GBF1: variants seen among roughly 807,000 people sequenced by gnomAD.
GBF1 encodes golgi brefeldin A resistant guanine nucleotide exchange factor 1.
A neutral mutation model predicts 210.5 loss-of-function variants in GBF1; 114 were observed. The ratio of observed to expected loss-of-function variants is 0.54; its 90% CI spans 0.47 to 0.63. GBF1 has a LOEUF of 0.63. GBF1 is among the 30% of genes least tolerant of loss of function. The pLI, the probability that GBF1 is intolerant of heterozygous loss-of-function variation, is 0.00. For missense variants in GBF1, 1,851 were observed against 2,357.7 expected (o/e 0.79, Z 4.45); for synonymous variants, 850 against 889.2 (o/e 0.96, Z 0.78).
At position 102,361,795 on chromosome 10, in the gene GBF1, G is replaced by A. The variant is rs750379900; in HGVS notation, c.1569G>A (p.Leu523=). 2.5e-6 allele frequency: 4 copies of A among 1,612,766 alleles called. No individual in the cohort carries two copies. Among genetic ancestry groups the A allele is most frequent in the Admixed American group, 1.7e-5 (1 of 60,012 alleles). Residue 523 remains leucine, a synonymous_variant, in exon 14 of 40, where the codon CTG becomes CTA. Transcript: ENST00000369983. ...KMPYEMKEMA[L]EAIVQLWRIP... is the part of the protein sequence containing the mutation. ...CTTATGAGATGAAGGAGATGGCACT[G>A]GAGGCCATTGTGCAGCTCTGGCGCA...
At chr10:102,360,938 G>T (rs2059564015) in intron 12 of GBF1, 84 bp from the exon 13 acceptor site, 1 of 743,180 alleles carries the variant, frequency 1.3e-6, no homozygotes, top group African/African-American at 1.8e-5. Flanking sequence ...TTGCGCCACT[G>T]CACTCCAGCG....
At chr10:102,369,497 G>T in intron 24 of GBF1, 110 bp downstream of exon 24, 1 of 929,400 alleles carries the variant, frequency 1.1e-6, no homozygotes, top group Non-Finnish European at 1.7e-6. Flanking sequence ...CCTGATGCCT[G>T]CCACAGCTCA....
chr10:102,237,012 T>A, the GBF1 span, among the ~76,000 whole-genome samples: 3 of 152,196 alleles, frequency 2.0e-5, no homozygotes, highest in African/African-American at 7.2e-5. Flanking sequence ...CAGCAAAGAT[T>A]TGAAGCACTC....
At chr10:102,308,809 G>A (rs2078157071) in intron 3 of GBF1, among the ~76,000 whole-genome samples, 1 of 151,460 alleles carries the variant, frequency 6.6e-6, no homozygotes, top group African/African-American at 2.4e-5. Flanking sequence ...ACACCAGCAT[G>A]GCACATGTAT....
the GBF1 span, among the ~76,000 whole-genome samples, chr10:102,235,766 G>A: frequency 2.0e-5 from 3 of 152,176 alleles, no homozygotes; most frequent in Non-Finnish European, 2.9e-5. Flanking sequence ...CCCAGACTCT[G>A]TATCCTCCAG....
upstream of GBF1, among the ~76,000 whole-genome samples, chr10:102,242,362 G>C (rs1347281502): frequency 6.6e-6 from 1 of 152,204 alleles, no homozygotes; most frequent in African/African-American, 2.4e-5. Context: ...CACTCCAAAG[G>C]CATTGCCTTT....
At chr10:102,342,418 GAC>G (rs773345912) in intron 3 of GBF1, among the ~76,000 whole-genome samples, 10 of 150,940 alleles carry the variant, frequency 6.6e-5, no homozygotes, top group South Asian at 6.3e-4. Context: ...CTCACACACA[GAC>G]ACACACACAC....
intron 3 of GBF1, among the ~76,000 whole-genome samples, chr10:102,285,110 T>C (rs1366392623): frequency 6.6e-6 from 1 of 152,200 alleles, no homozygotes; most frequent in African/African-American, 2.4e-5. Flanking sequence ...GATTACTTTC[T>C]TCCAAAATTT....
chr10:102,365,288 T>G, intron 17 of GBF1, 109 bp from the exon 18 acceptor site: 1 of 746,948 alleles, frequency 1.3e-6, no homozygotes, highest in Non-Finnish European at 2.3e-6. Context: ...AACCACATCC[T>G]AGGAGCTTTT....
intron 4 of GBF1, among the ~76,000 whole-genome samples, 170 bp from the exon 5 acceptor site, chr10:102,351,086 C>CAA (rs531631806): frequency 7.5e-4 from 61 of 81,332 alleles, no homozygotes; most frequent in African/African-American, 2.2e-3. Flanking sequence ...GACTCTGTCT[C>CAA]AAAAAAAAAA....
rs2060905815 is a variant in GBF1 at position 102,382,285 on chromosome 10, C to T, written c.5532C>T (p.Leu1844=). 1.2e-6 allele frequency: 2 copies of T among 1,614,000 alleles called. No individual in the cohort carries two copies. Among genetic ancestry groups the T allele is most frequent in the South Asian group, 1.1e-5 (1 of 91,076 alleles). ...ALIEATSPVP[L]LATPRPTDPI... is the part of the protein sequence containing the mutation. ...TCGAGGCCACCTCACCAGTGCCCCTCCTGGCCACACCCCGCCCCACAGATC... is the reference window on the plus strand; with the variant it reads ...TCGAGGCCACCTCACCAGTGCCCCTTCTGGCCACACCCCGCCCCACAGATC... Residue 1844 remains leucine (L), a synonymous_variant, in exon 40 of 40, where the codon CTC becomes CTT. Coordinates refer to ENST00000369983, the MANE Select transcript of GBF1 (RefSeq NM_001377137.1).
At position 102,380,263 on chromosome 10, in the gene GBF1, C is replaced by T; in HGVS notation, c.4893C>T (p.His1631=). 1 of 1,613,194 alleles carries T rather than the reference C, an allele frequency of 6.2e-7. No individual in the cohort carries two copies. Among genetic ancestry groups the T allele is most frequent in the Non-Finnish European group, 8.5e-7 (1 of 1,179,178 alleles). Residue 1631 remains histidine (H), a synonymous_variant, in exon 37 of 40, where the codon CAC becomes CAT. Transcript: ENST00000369983. ...GTGGGCCATAGGTCTTCCTGCAGCACCTGTCTCCACTGCTGTCACTCTCTA... is the reference window on the plus strand; with the variant it reads ...GTGGGCCATAGGTCTTCCTGCAGCATCTGTCTCCACTGCTGTCACTCTCTA... ...STLLSKVFLQ[H]LSPLLSLSTF...
chr10:102,331,134 A>ATG (rs1589663154), intron 3 of GBF1, among the ~76,000 whole-genome samples: 2 of 152,064 alleles, frequency 1.3e-5, no homozygotes, highest in East Asian at 1.9e-4. Context: ...TCCTCTCTCT[A>ATG]AGGAGAGGTT....
rs544050001 is a variant in GBF1 at position 102,369,778 on chromosome 10, A to G, written c.3215+3A>G. The G allele has an allele frequency of 6.2e-7, 1 of 1,614,164 alleles. No individual in the cohort carries two copies. Among genetic ancestry groups the G allele is most frequent in the Non-Finnish European group, 8.5e-7 (1 of 1,179,982 alleles). Reference sequence around the variant, plus strand: ...CGGGAAGAGACACCATCAAACCGGTAAGAGCAGACCAGAGGCTCAGGGGCT... The same window carrying G: ...CGGGAAGAGACACCATCAAACCGGTGAGAGCAGACCAGAGGCTCAGGGGCT... On this transcript the variant is annotated splice_donor_region_variant and intron_variant, in intron 25 of 39. Coordinates refer to ENST00000369983, the MANE Select transcript of GBF1 (RefSeq NM_001377137.1).
intron 17 of GBF1, among the ~76,000 whole-genome samples, chr10:102,364,471 A>G (rs1250543775): frequency 6.8e-6 from 1 of 147,936 alleles, no homozygotes; most frequent in East Asian, 2.1e-4. Flanking sequence ...TGATCTGCCC[A>G]CCTTGGCCTC....
the GBF1 span, among the ~76,000 whole-genome samples, chr10:102,235,179 A>ACC: frequency 3.1e-5 from 3 of 97,374 alleles, no homozygotes; most frequent in African/African-American, 1.3e-4. Flanking sequence ...CCCACCCCCC[A>ACC]CCCCCCCACC....
intron 20 of GBF1, 89 bp from the exon 21 acceptor site, chr10:102,367,389 C>T: frequency 8.7e-7 from 1 of 1,153,126 alleles, no homozygotes; most frequent in South Asian, 1.2e-5. Context: ...TTACCTTTTC[C>T]TAAGTCCTAT....
At chr10:102,275,157 A>G (rs1025958272) in intron 3 of GBF1, among the ~76,000 whole-genome samples, 2 of 152,042 alleles carry the variant, frequency 1.3e-5, no homozygotes, top group African/African-American at 4.8e-5. Flanking sequence ...GCCCAGCCAA[A>G]AACAGATTTT....
intron 3 of GBF1, among the ~76,000 whole-genome samples, chr10:102,267,315 G>A (rs1291652577): frequency 2.0e-5 from 3 of 152,170 alleles, no homozygotes; most frequent in Non-Finnish European, 4.4e-5. Flanking sequence ...GACCAGCCTG[G>A]CCAACATGGT....
Sources: gnomAD v4.1 joint callset for allele counts (sites outside exome capture counted in the v4.1 genomes callset) on GRCh38, gnomAD v4.1.1 for gene constraint, MANE v1.5 for transcripts, NCBI Gene and HGNC (gene_info 2026-07-23, HGNC 2026-07-21) for gene names.